Variants in ARHGAP6 observed in about 807,000 individuals in gnomAD.
ARHGAP6 encodes the protein Rho GTPase activating protein 6.
A neutral mutation model predicts 55.7 loss-of-function variants in ARHGAP6; 16 were observed. The observed-to-expected ratio is 0.29, with a 90% CI of 0.19 to 0.44. The LOEUF (loss-of-function observed/expected upper bound fraction) is 0.44. Among genes scored for constraint, ARHGAP6 ranks in the 20% least tolerant of loss-of-function variants. ARHGAP6 has a pLI of 1.00. For synonymous variants in ARHGAP6, 382 were observed against 360.9 expected (o/e 1.06, Z -0.66); for missense variants, 698 against 808.9 (o/e 0.86, Z 1.66).
intron 1 of ARHGAP6, among the ~76,000 whole-genome samples, chrX:11,540,558 T>C (rs999380291): frequency 9.0e-6 from 1 of 111,039 alleles, no homozygotes; most frequent in Non-Finnish European, 1.9e-5. Flanking sequence ...CATTTTGATG[T>C]CCCCCCAGCT....
intron 2 of ARHGAP6, among the ~76,000 whole-genome samples, chrX:11,242,313 G>C (rs2047294097): frequency 8.9e-6 from 1 of 112,395 alleles, no homozygotes; most frequent in Non-Finnish European, 1.9e-5. Context: ...GCTCAACTAT[G>C]GTTTTTCCTT....
chrX:11,165,709 C>T (rs2046008491), intron 9 of ARHGAP6, among the ~76,000 whole-genome samples: 1 of 111,506 alleles, frequency 9.0e-6, no homozygotes, highest in African/African-American at 3.3e-5. Flanking sequence ...TAGCTCATTC[C>T]AATGCACATG....
chrX:11,143,412 T>C, intron 11 of ARHGAP6: 1 of 288,663 alleles, frequency 3.5e-6, no homozygotes, highest in Non-Finnish European at 4.7e-6. Flanking sequence ...CATTCTGAGT[T>C]TTCACAGCAG....
chrX:11,443,772 C>CA (rs908613714), intron 1 of ARHGAP6, among the ~76,000 whole-genome samples: 1 of 110,972 alleles, frequency 9.0e-6, no homozygotes, highest in African/African-American at 3.3e-5. Context: ...ACTAAAAATA[C>CA]AAAAAATTAG....
At chrX:11,403,653 A>G (rs1342627808) in intron 1 of ARHGAP6, among the ~76,000 whole-genome samples, 1 of 112,343 alleles carries the variant, frequency 8.9e-6, no homozygotes, top group African/African-American at 3.2e-5. Flanking sequence ...ACTTTAAGGC[A>G]TGATTTATGC....
chrX:11,144,086 C>T lies in ARHGAP6; in HGVS notation c.2070G>A (p.Pro690=), dbSNP rs2045656461. The T allele has an allele frequency of 2.5e-6, 3 of 1,210,948 alleles. No homozygotes were observed. The highest frequency in any genetic ancestry group is 1.8e-5 in the South Asian group (1 of 56,881). Residue 690 remains proline (P), a synonymous_variant, in exon 11 of 13, where the codon CCG becomes CCA. Transcript: ENST00000337414. ...CTCTGTAAAGCTTCTCCGAGCCCCC[C>T]GGGGCCGCGTCCTCTTGCATAGCCA... ...SLLAMQEDAA[P]GGSEKLYRVP... is the part of the protein sequence containing the mutation.
intron 8 of ARHGAP6, among the ~76,000 whole-genome samples, chrX:11,172,702 G>T (rs1253297378): frequency 9.0e-6 from 1 of 111,062 alleles, no homozygotes; most frequent in East Asian, 2.8e-4. Context: ...CACTTTTGGG[G>T]TTTCTTTTGT....
In ARHGAP6 at chrX:11,300,570, T is replaced by C. The variant is rs376830760; in HGVS notation, c.589-45863A>G. 1.5e-5 allele frequency: 17 copies of C among 1,131,284 alleles called. No homozygotes were observed. The African/African-American group carries it at 2.7e-4, about 18-fold the overall frequency. The allele number at this position is 1,131,284 out of a possible 1,213,427, so 93.2% of individuals were successfully genotyped here. ...AAATGGTACTCACTAGGAACATTTG[T>C]AAATTATTTTAACTGTTCTTTTGCA... is the stretch of plus-strand genomic sequence containing the variant. On this transcript the variant is annotated intron_variant, in intron 1 of 12. Coordinates refer to ENST00000337414, the MANE Select transcript of ARHGAP6 (RefSeq NM_013427.3).
chrX:11,401,705 T>C (rs1256360135), intron 1 of ARHGAP6, among the ~76,000 whole-genome samples: 2 of 111,818 alleles, frequency 1.8e-5, no homozygotes, highest in African/African-American at 3.3e-5. Flanking sequence ...CGGCCATTCA[T>C]ATGTACAGGA....
In ARHGAP6 at chrX:11,186,438, G is replaced by A. The variant is rs757442430; in HGVS notation, c.1078-7C>T. 15 of 1,204,097 alleles carry A rather than the reference G, an allele frequency of 1.2e-5. No individual in the cohort carries two copies. Among genetic ancestry groups the A allele is most frequent in the Non-Finnish European group, 1.6e-5 (14 of 890,870 alleles). On this transcript the variant is annotated splice_polypyrimidine_tract_variant and splice_region_variant and intron_variant, in intron 4 of 12. Transcript: ENST00000337414. ...AATCCACTGACATGGCACCCTGCAA[G>A]TGACACAGAGCCGTGAACATAAAGT...
intron 2 of ARHGAP6, among the ~76,000 whole-genome samples, chrX:11,229,246 T>C (rs1200654068): frequency 8.9e-6 from 1 of 112,096 alleles, no homozygotes; most frequent in Non-Finnish European, 1.9e-5. Context: ...AAACTTACCT[T>C]AACATCTGTG....
chrX:11,408,357 T>C (rs763526977), intron 1 of ARHGAP6, among the ~76,000 whole-genome samples: 3 of 111,838 alleles, frequency 2.7e-5, no homozygotes, highest in Non-Finnish European at 5.6e-5. Flanking sequence ...TTGGTTATTC[T>C]TGCCACAAGT....
At chrX:11,243,259 T>C (rs1469155762) in intron 2 of ARHGAP6, among the ~76,000 whole-genome samples, 1 of 111,406 alleles carries the variant, frequency 9.0e-6, no homozygotes, top group Non-Finnish European at 1.9e-5. Context: ...CAATTCTTCC[T>C]TGCTCCATTT....
intron 1 of ARHGAP6, among the ~76,000 whole-genome samples, chrX:11,291,886 C>A (rs1483831965): frequency 1.8e-5 from 2 of 111,758 alleles, no homozygotes; most frequent in African/African-American, 6.5e-5. Context: ...AAGGTCTTAC[C>A]TTTCTTTGCA....
intron 1 of ARHGAP6, among the ~76,000 whole-genome samples, chrX:11,553,431 G>A (rs1471043767): frequency 9.0e-6 from 1 of 110,597 alleles, no homozygotes; most frequent in African/African-American, 3.3e-5. Context: ...TTTTTAGACA[G>A]GAGGTCTCAC....
At chrX:11,174,748 C>T (rs997367743) in intron 8 of ARHGAP6, among the ~76,000 whole-genome samples, 1 of 103,663 alleles carries the variant, frequency 9.6e-6, no homozygotes, top group Non-Finnish European at 2.0e-5. Context: ...AGTGCAGTGG[C>T]GTGATCTCGG....
At chrX:11,559,929 A>AAATAATAATAATAATGAT (rs2051366302) in intron 1 of ARHGAP6, among the ~76,000 whole-genome samples, 1 of 96,165 alleles carries the variant, frequency 1.0e-5, no homozygotes, top group African/African-American at 3.9e-5. Context: ...CTCGGTCTCA[A>AAATAATAATAATAATGAT]AATAATAATA....
chrX:11,388,240 A>G (rs1457593255), intron 1 of ARHGAP6, among the ~76,000 whole-genome samples: 3 of 111,407 alleles, frequency 2.7e-5, no homozygotes, highest in South Asian at 3.8e-4. Flanking sequence ...TTTAATGATC[A>G]CCGTTCTAAC....
At chrX:11,646,198 G>A (rs1184058457) in intron 1 of ARHGAP6, among the ~76,000 whole-genome samples, 1 of 111,474 alleles carries the variant, frequency 9.0e-6, no homozygotes, top group Non-Finnish European at 1.9e-5. Context: ...GAACAGCATA[G>A]GGGAAATCAC....
Sources: allele counts gnomAD v4.1 joint callset (sites outside exome capture counted in the v4.1 genomes callset), GRCh38; gene constraint gnomAD v4.1.1; transcripts MANE v1.5; gene names NCBI Gene and HGNC (gene_info 2026-07-23, HGNC 2026-07-21).